The following SYT1 variants were observed in gnomAD, a reference collection of about 807,000 sequenced individuals.
SYT1 encodes synaptotagmin-1.
A neutral mutation model predicts 44.8 loss-of-function variants in SYT1; 8 were observed. The observed-to-expected ratio is 0.18, with a 90% CI of 0.10 to 0.32. The LOEUF (loss-of-function observed/expected upper bound fraction) is 0.32. SYT1 is among the 10% of genes least tolerant of loss of function. SYT1 has a pLI of 1.00. For synonymous variants in SYT1, 154 were observed against 188.8 expected, an observed-to-expected ratio of 0.82 and a Z score of 1.51; for missense variants, 286 against 509.3, an observed-to-expected ratio of 0.56 and a Z score of 4.22.
chr12:79,280,494 A>C (rs182793499), intron 4 of SYT1, among the ~76,000 whole-genome samples: 1 of 152,204 alleles, frequency 6.6e-6, no homozygotes, highest in Non-Finnish European at 1.5e-5. Flanking sequence ...ATATACAAAA[A>C]AAATTAACAC....
intron 3 of SYT1, among the ~76,000 whole-genome samples, chr12:79,181,183 C>T (rs7956594): frequency 0.72 from 110,012 of 151,974 alleles, 40,550 homozygotes; most frequent in African/African-American, 0.83. Context: ...ACTAATCCAT[C>T]GTCCATTGTA....
chr12:78,996,179 C>T (rs1565754571), intron 2 of SYT1, among the ~76,000 whole-genome samples: 1 of 152,152 alleles, frequency 6.6e-6, no homozygotes, highest in Non-Finnish European at 1.5e-5. Flanking sequence ...TTTTGCTGAA[C>T]TTTATGCTTC....
chr12:79,061,817 G>A (rs1875407598), intron 3 of SYT1, among the ~76,000 whole-genome samples: 1 of 152,074 alleles, frequency 6.6e-6, no homozygotes, highest in Non-Finnish European at 1.5e-5. Flanking sequence ...AGTTGAAGCT[G>A]TAATGAGATC....
At chr12:79,394,206 T>A (rs1884780007) in intron 9 of SYT1, among the ~76,000 whole-genome samples, 1 of 152,204 alleles carries the variant, frequency 6.6e-6, no homozygotes, top group South Asian at 2.1e-4. Flanking sequence ...GATAGCTCGG[T>A]GATAGCACCT....
chr12:78,919,361 T>C (rs1362862696), intron 1 of SYT1, among the ~76,000 whole-genome samples: 1 of 152,036 alleles, frequency 6.6e-6, no homozygotes, highest in African/African-American at 2.4e-5. Context: ...GGAAGCTCCA[T>C]ACCAGGTGAG....
chr12:79,222,002 C>T (rs1017771116), intron 4 of SYT1, among the ~76,000 whole-genome samples: 9 of 152,164 alleles, frequency 5.9e-5, no homozygotes, highest in African/African-American at 1.4e-4. Flanking sequence ...TGAACTCCCA[C>T]AACTTTTGTT....
intron 8 of SYT1, among the ~76,000 whole-genome samples, chr12:79,312,969 A>G (rs1484254615): frequency 2.0e-5 from 3 of 152,238 alleles, no homozygotes; most frequent in African/African-American, 4.8e-5. Flanking sequence ...AATGTTGACA[A>G]TGAAAGGAAT....
At chr12:79,002,075 G>T (rs911544263) in intron 2 of SYT1, among the ~76,000 whole-genome samples, 2 of 152,024 alleles carry the variant, frequency 1.3e-5, no homozygotes, top group Admixed American at 6.6e-5. Context: ...CACTGCTACA[G>T]TTGCATAGAA....
chr12:79,413,735 C>A (rs769307710), intron 9 of SYT1, among the ~76,000 whole-genome samples: 3 of 152,032 alleles, frequency 2.0e-5, no homozygotes, highest in Non-Finnish European at 2.9e-5. Flanking sequence ...AATCATAAAT[C>A]AAGAATTAAT....
At chr12:79,227,800 G>C (rs919890437) in intron 4 of SYT1, among the ~76,000 whole-genome samples, 3 of 152,106 alleles carry the variant, frequency 2.0e-5, no homozygotes, top group Non-Finnish European at 4.4e-5. Flanking sequence ...AGAGTGTCTG[G>C]CACTGAATAA....
At chr12:79,147,213 A>C (rs1470460634) in intron 3 of SYT1, among the ~76,000 whole-genome samples, 6 of 152,136 alleles carry the variant, frequency 3.9e-5, no homozygotes, top group Admixed American at 2.6e-4. Flanking sequence ...CTTTGTAATC[A>C]TTACCAAAAA....
intron 4 of SYT1, among the ~76,000 whole-genome samples, chr12:79,251,598 C>A (rs1877214749): frequency 6.6e-6 from 1 of 152,164 alleles, no homozygotes. Flanking sequence ...CGCCTGAATG[C>A]ATTGTCTGAG....
chr12:79,194,097 G>C (rs997578535), intron 3 of SYT1, among the ~76,000 whole-genome samples: 1 of 151,836 alleles, frequency 6.6e-6, no homozygotes, highest in Non-Finnish European at 1.5e-5. Flanking sequence ...GAGCCTCTGA[G>C]GAAAAAATTA....
At chr12:79,319,405 G>T (rs1158192517) in intron 8 of SYT1, among the ~76,000 whole-genome samples, 1 of 152,092 alleles carries the variant, frequency 6.6e-6, no homozygotes, top group Non-Finnish European at 1.5e-5. Flanking sequence ...GGAATTCCAC[G>T]TGGCCAAGTA....
chr12:79,403,767 T>C (rs892978778), intron 9 of SYT1, among the ~76,000 whole-genome samples: 1 of 152,156 alleles, frequency 6.6e-6, no homozygotes, highest in Non-Finnish European at 1.5e-5. Context: ...CAGTATCATG[T>C]GAGAATTGGT....
chr12:79,234,268 T>G (rs954570867), intron 4 of SYT1, among the ~76,000 whole-genome samples: 3 of 152,312 alleles, frequency 2.0e-5, no homozygotes, highest in Middle Eastern at 3.4e-3. Context: ...TGAACTCTCC[T>G]CTTTTGTTAA....
intron 1 of SYT1, among the ~76,000 whole-genome samples, chr12:78,951,813 G>A (rs1878982123): frequency 6.6e-6 from 1 of 152,052 alleles, no homozygotes; most frequent in Non-Finnish European, 1.5e-5. Context: ...CGCAACCTCC[G>A]TGCAGCTCCC....
chr12:78,952,435 G>A (rs1263325582), intron 1 of SYT1, among the ~76,000 whole-genome samples: 1 of 152,050 alleles, frequency 6.6e-6, no homozygotes, highest in Non-Finnish European at 1.5e-5. Flanking sequence ...AAAGAGCCTG[G>A]ACTGCATGTG....
chr12:79,386,310 GTT>G (rs34423509), intron 9 of SYT1, among the ~76,000 whole-genome samples: 71 of 147,902 alleles, frequency 4.8e-4, no homozygotes, highest in African/African-American at 1.3e-3. Flanking sequence ...ACATTTTTGG[GTT>G]TTTTTTTTTC....
Sources: gnomAD v4.1 joint callset for allele counts (sites outside exome capture counted in the v4.1 genomes callset) on GRCh38, gnomAD v4.1.1 for gene constraint, MANE v1.5 for transcripts, NCBI Gene and HGNC (gene_info 2026-07-23, HGNC 2026-07-21) for gene names.